Variants in RAPGEF4 observed in about 807,000 individuals in gnomAD.
RAPGEF4 encodes RAP guanine-nucleotide-exchange factor (GEF) 4.
A neutral mutation model predicts 147.9 loss-of-function variants in RAPGEF4; 66 were observed. The observed-to-expected ratio is 0.45, with a 90% CI of 0.37 to 0.55. The LOEUF is 0.55. Ranked by LOEUF, RAPGEF4 falls within the 20% of genes least tolerant of loss-of-function variation. The pLI is 0.00. For missense variants in RAPGEF4, 1,071 were observed against 1,257.3 expected (o/e 0.85, Z 2.24); for synonymous variants, 419 against 442.7 (o/e 0.95, Z 0.67).
At chr2:172,862,395 G>T (rs886913157) in intron 4 of RAPGEF4, among the ~76,000 whole-genome samples, 2 of 152,150 alleles carry the variant, frequency 1.3e-5, no homozygotes, top group African/African-American at 4.8e-5. Flanking sequence ...GGCAAGCTGA[G>T]CAGAGACAGC....
rs753588056 is a variant in RAPGEF4, at chr2:172,988,219, A to G, written c.1174A>G (p.Thr392Ala). ...TVLFNQGEEGTSWYIILKGSV... is the reference protein window; with the variant it reads ...TVLFNQGEEGASWYIILKGSV... ...AGTGTTTAACCAGGGGGAAGAAGGT[A>G]CCTCCTGGTACATTATTCTAAAAGG... The change falls in exon 13 of 31, where the codon ACC (threonine) becomes GCC (alanine). Residue 392 changes from threonine to alanine, a missense_variant. Thr to Ala is a moderately conservative substitution (Grantham distance 58, BLOSUM62 0). Transcript: ENST00000397081. The G allele has an allele frequency of 1.4e-5, 22 of 1,610,476 alleles. 1 individual carries two copies. In the South Asian group the frequency reaches 2.3e-4, roughly 17 times the overall value.
intron 15 of RAPGEF4, among the ~76,000 whole-genome samples, chr2:172,996,241 A>T (rs1291439985): frequency 6.6e-6 from 1 of 152,218 alleles, no homozygotes; most frequent in Non-Finnish European, 1.5e-5. Context: ...CCATATAGGG[A>T]AAAAAGAACA....
chr2:172,903,461 C>T lies in RAPGEF4; in HGVS notation c.445-14341C>T, dbSNP rs554690051. Among the ~76,000 whole-genome samples the T allele has an allele frequency of 2.2e-4, 34 of 151,186 alleles. No individual in the cohort carries two copies. In the South Asian group the frequency reaches 7.2e-3, roughly 32 times the overall value. ...GCTGAGGCAGGAGAATCTCTTGAACCTGGGAGGAGGAGGTTGCAGTGAGCT... is the reference window on the plus strand; with the variant it reads ...GCTGAGGCAGGAGAATCTCTTGAACTTGGGAGGAGGAGGTTGCAGTGAGCT... On this transcript the variant is annotated intron_variant, in intron 4 of 30. Transcript: ENST00000397081.
intron 4 of RAPGEF4, among the ~76,000 whole-genome samples, chr2:172,818,131 G>A (rs997742220): frequency 2.0e-5 from 3 of 151,612 alleles, no homozygotes; most frequent in East Asian, 1.9e-4. Flanking sequence ...TGCGAGCTAA[G>A]CTATGAGGAT....
intron 17 of RAPGEF4, among the ~76,000 whole-genome samples, chr2:173,005,856 C>T (rs905206377): frequency 3.9e-5 from 6 of 152,048 alleles, no homozygotes; most frequent in Non-Finnish European, 8.8e-5. Context: ...AATCAAGGTA[C>T]AGGGAGGTCT....
At chr2:172,973,365 A>G (rs571706653) in intron 10 of RAPGEF4, among the ~76,000 whole-genome samples, 36 of 152,124 alleles carry the variant, frequency 2.4e-4, no homozygotes, top group African/African-American at 8.7e-4. Flanking sequence ...CTCCCACCTC[A>G]GCCTCCCAAA....
At chr2:172,851,253 T>C (rs961415068) in intron 4 of RAPGEF4, among the ~76,000 whole-genome samples, 1 of 152,258 alleles carries the variant, frequency 6.6e-6, no homozygotes, top group Non-Finnish European at 1.5e-5. Context: ...TGGTTTTGAG[T>C]GATCTTCTTG....
chr2:173,000,771 C>A (rs1258222943), intron 16 of RAPGEF4, among the ~76,000 whole-genome samples: 6 of 120,032 alleles, frequency 5.0e-5, no homozygotes, highest in South Asian at 2.5e-4. Context: ...TTTTTTGCTG[C>A]TTCTTTCTCC....
intron 6 of RAPGEF4, among the ~76,000 whole-genome samples, chr2:172,947,035 G>A: frequency 6.6e-6 from 1 of 152,210 alleles, no homozygotes; most frequent in Non-Finnish European, 1.5e-5. Context: ...ACGTATTTGT[G>A]AAAATTTCTG....
intron 2 of RAPGEF4, 148 bp from the exon 3 acceptor site, chr2:172,797,377 C>T (rs925201852): frequency 6.8e-6 from 4 of 586,904 alleles, no homozygotes; most frequent in Admixed American, 6.0e-5. Flanking sequence ...TAAAGAAAAA[C>T]ATGTTATGTT....
At chr2:172,946,983 T>C (rs774192190) in intron 6 of RAPGEF4, among the ~76,000 whole-genome samples, 9 of 152,226 alleles carry the variant, frequency 5.9e-5, no homozygotes, top group Non-Finnish European at 1.3e-4. Context: ...ACATGTATCA[T>C]TAAATGTGCT....
At chr2:172,935,563 A>G (rs1686477485) in intron 6 of RAPGEF4, among the ~76,000 whole-genome samples, 1 of 152,234 alleles carries the variant, frequency 6.6e-6, no homozygotes, top group Non-Finnish European at 1.5e-5. Context: ...ATAACATCAT[A>G]ATACAATCAA....
At chr2:172,900,451 T>A (rs922722512) in intron 4 of RAPGEF4, among the ~76,000 whole-genome samples, 4 of 152,114 alleles carry the variant, frequency 2.6e-5, no homozygotes, top group African/African-American at 9.7e-5. Flanking sequence ...GTTGTCCAGG[T>A]GGGTCTCGAA....
intron 3 of RAPGEF4, among the ~76,000 whole-genome samples, chr2:172,797,900 G>A (rs1490150884): frequency 2.0e-5 from 3 of 152,192 alleles, no homozygotes; most frequent in Admixed American, 1.3e-4. Flanking sequence ...AGCAATTTCA[G>A]TGTGACACAA....
intron 5 of RAPGEF4, among the ~76,000 whole-genome samples, chr2:172,921,877 G>A (rs1311155472): frequency 6.6e-6 from 1 of 152,190 alleles, no homozygotes; most frequent in African/African-American, 2.4e-5. Flanking sequence ...AGAGCCGAGT[G>A]GAGTGGTTTG....
intron 1 of RAPGEF4, among the ~76,000 whole-genome samples, chr2:172,749,363 G>A (rs976597440): frequency 1.3e-5 from 2 of 152,220 alleles, no homozygotes; most frequent in African/African-American, 4.8e-5. Context: ...CCAAACCTCA[G>A]TTCTTGACTT....
At chr2:172,825,096 G>A (rs1291013702) in intron 4 of RAPGEF4, among the ~76,000 whole-genome samples, 1 of 152,090 alleles carries the variant, frequency 6.6e-6, no homozygotes, top group Non-Finnish European at 1.5e-5. Flanking sequence ...GACTTATGAT[G>A]GGGATGCACC....
At chr2:172,956,676 TA>T (rs2105429810) in intron 6 of RAPGEF4, among the ~76,000 whole-genome samples, 1 of 152,198 alleles carries the variant, frequency 6.6e-6, no homozygotes, top group South Asian at 2.1e-4. Context: ...TTCACCGTGT[TA>T]CCCAGGTTGG....
At chr2:172,817,881 T>G (rs981985105) in intron 4 of RAPGEF4, among the ~76,000 whole-genome samples, 7 of 109,432 alleles carry the variant, frequency 6.4e-5, no homozygotes, top group East Asian at 4.4e-4. Context: ...TTGTGATATA[T>G]ATATATATAT....
Sources: gnomAD v4.1 joint callset for allele counts (sites outside exome capture counted in the v4.1 genomes callset) on GRCh38, gnomAD v4.1.1 for gene constraint, MANE v1.5 for transcripts, NCBI Gene and HGNC (gene_info 2026-07-23, HGNC 2026-07-21) for gene names.